TMEM116: variants seen among roughly 807,000 people sequenced by gnomAD.
The protein encoded by TMEM116 is transmembrane protein 116.
In TMEM116, 38 loss-of-function variants were observed where a neutral mutation model predicts 44.3. The ratio of observed to expected loss-of-function variants is 0.86; its 90% confidence interval spans 0.66 to 1.12. The LOEUF (loss-of-function observed/expected upper bound fraction) is 1.12, where lower values mean the gene tolerates loss of function less well. TMEM116 is among the 50% of genes most tolerant of loss of function. The probability of loss-of-function intolerance (pLI) is 0.00; values close to 1 mark genes in which losing one functional copy is unlikely to be tolerated. For synonymous variants in TMEM116, 132 were observed against 144.8 expected (o/e 0.91, Z 0.64); for missense variants, 354 against 401.7 (o/e 0.88, Z 1.01).
chr12:112,009,176 T>C (rs1462763118), intron 1 of TMEM116, among the ~76,000 whole-genome samples: 1 of 152,014 alleles, frequency 6.6e-6, no homozygotes, highest in Admixed American at 6.6e-5. Context: ...CAATATAAAG[T>C]ATAAAACAAA....
chr12:111,982,544 G>A (rs945326081), intron 4 of TMEM116, among the ~76,000 whole-genome samples: 4 of 152,040 alleles, frequency 2.6e-5, no homozygotes, highest in African/African-American at 7.3e-5. Flanking sequence ...CAGGCAATCT[G>A]CCCTCGTTGG....
rs1460078213 is a variant in TMEM116 at position 111,937,184 on chromosome 12, A to C, written c.425T>G (p.Phe142Cys). ...CTTGTGGCTCTGACTGAAGTTTTGG[A>C]AACATTCACTAGTATTTCCCAGACA... ...VFCLGNTSEC[F>C]QNFSQSHKCI... The change falls in exon 7 of 11, where the codon TTC becomes TGC. Residue 142 changes from phenylalanine to cysteine, a missense_variant. Transcript: ENST00000552374. 2 of 1,613,874 alleles carry C rather than the reference A, an allele frequency of 1.2e-6. No homozygotes were observed. Among genetic ancestry groups the C allele is most frequent in the Non-Finnish European group, 1.7e-6 (2 of 1,179,846 alleles).
intron 3 of TMEM116, among the ~76,000 whole-genome samples, chr12:112,000,147 G>T (rs928903039): frequency 6.6e-6 from 1 of 152,082 alleles, no homozygotes; most frequent in African/African-American, 2.4e-5. Context: ...ATATATCAGA[G>T]AGTATTACTC....
chr12:112,007,287 G>A (rs901738263), intron 1 of TMEM116, among the ~76,000 whole-genome samples: 5 of 152,114 alleles, frequency 3.3e-5, no homozygotes, highest in Admixed American at 6.6e-5. Context: ...GGTGGCATGC[G>A]CCTGTAATCC....
At chr12:112,010,547 G>A (rs1014269636) in intron 1 of TMEM116, 3 of 152,228 alleles carry the variant, frequency 2.0e-5, no homozygotes, top group Non-Finnish European at 2.9e-5. Flanking sequence ...GGAGGCCCTG[G>A]AGAGGATGGC....
At chr12:111,992,572 T>C (rs1470419952) in intron 3 of TMEM116, among the ~76,000 whole-genome samples, 1 of 152,168 alleles carries the variant, frequency 6.6e-6, no homozygotes, top group Non-Finnish European at 1.5e-5. Flanking sequence ...CTTCTAAATA[T>C]AAGAAATGAG....
intron 3 of TMEM116, among the ~76,000 whole-genome samples, chr12:112,003,229 C>G (rs2077369982): frequency 6.6e-6 from 1 of 152,182 alleles, no homozygotes; most frequent in African/African-American, 2.4e-5. Flanking sequence ...CATTCTGTTT[C>G]CTTAGCCTTA....
rs1167229853 is a variant in TMEM116 at position 112,010,181 on chromosome 12, T to C, written c.-34+2821A>G. ...ATCTGCTCCTTTTCCACTTGTTCTC[T>C]ATCTAAAATGTTCCTCCTTCCAAGG... On this transcript the variant is annotated intron_variant, in intron 1 of 10. Coordinates refer to ENST00000552374, the MANE Select transcript of TMEM116 (RefSeq NM_001193531.2). Among the ~76,000 whole-genome samples the C allele has an allele frequency of 3.0e-4, 46 of 152,082 alleles. 2 individuals are homozygous for C. Among genetic ancestry groups the C allele is most frequent in the Non-Finnish European group, 1.5e-5 (1 of 67,972 alleles).
chr12:111,943,237 TTAAC>T, intron 5 of TMEM116, 24 bp downstream of exon 5: 1 of 1,558,868 alleles, frequency 6.4e-7, no homozygotes. Context: ...CATACTATTA[TTAAC>T]TATCAGCCCT....
chr12:111,940,474 T>TACACACAC (rs199977734), intron 5 of TMEM116, among the ~76,000 whole-genome samples: 5 of 106,984 alleles, frequency 4.7e-5, no homozygotes, highest in South Asian at 3.7e-4. Context: ...CATATATATA[T>TACACACAC]ATACATACAC....
chr12:111,931,587 A>T lies in TMEM116; in HGVS notation c.*34T>A. The T allele has an allele frequency of 6.3e-7, 1 of 1,589,270 alleles. No individual in the cohort carries two copies. The highest frequency in any genetic ancestry group is 8.6e-7 in the Non-Finnish European group (1 of 1,157,624). On this transcript the variant is annotated 3_prime_UTR_variant, in exon 11 of 11. Transcript: ENST00000552374. ...TCTTTCCAATCCATTAGCGTAGAAT[A>T]ACTCCAGTTCCTGGATGTTCCAGTA...
intron 4 of TMEM116, among the ~76,000 whole-genome samples, chr12:111,948,093 T>TTGA (rs1410791035): frequency 1.3e-5 from 2 of 152,242 alleles, no homozygotes; most frequent in African/African-American, 4.8e-5. Context: ...ATCACTCATC[T>TTGA]GGTTTGGGAG....
intron 4 of TMEM116, among the ~76,000 whole-genome samples, chr12:111,973,277 C>A (rs1296839822): frequency 6.6e-6 from 1 of 152,182 alleles, no homozygotes; most frequent in Non-Finnish European, 1.5e-5. Context: ...TTATACACTT[C>A]TAAATAACTA....
At chr12:111,958,877 G>A (rs569443821) in intron 4 of TMEM116, among the ~76,000 whole-genome samples, 119 of 152,304 alleles carry the variant, frequency 7.8e-4, no homozygotes, top group African/African-American at 2.8e-3. Flanking sequence ...TTTGATTGGT[G>A]TACCTGAAAG....
chr12:111,977,764 G>A (rs1228582007), intron 4 of TMEM116, among the ~76,000 whole-genome samples: 1 of 151,936 alleles, frequency 6.6e-6, no homozygotes, highest in Non-Finnish European at 1.5e-5. Flanking sequence ...ATAAGAGACA[G>A]GAAAGAACAA....
At chr12:111,947,231 T>G (rs1338634978) in intron 4 of TMEM116, among the ~76,000 whole-genome samples, 2 of 151,872 alleles carry the variant, frequency 1.3e-5, no homozygotes, top group Non-Finnish European at 2.9e-5. Context: ...AAATAAATGA[T>G]TATTATTTCA....
At chr12:111,974,227 C>T (rs2075526826) in intron 4 of TMEM116, among the ~76,000 whole-genome samples, 1 of 151,764 alleles carries the variant, frequency 6.6e-6, no homozygotes, top group African/African-American at 2.4e-5. Context: ...GCTAGCATTA[C>T]ACTTAAGGTG....
At chr12:111,952,313 G>A (rs1045041841) in intron 4 of TMEM116, among the ~76,000 whole-genome samples, 3 of 152,094 alleles carry the variant, frequency 2.0e-5, no homozygotes, top group Non-Finnish European at 4.4e-5. Flanking sequence ...GTCATAAAAT[G>A]CTAAGTAATA....
At chr12:111,999,153 T>C (rs1458113639) in intron 3 of TMEM116, among the ~76,000 whole-genome samples, 2 of 151,740 alleles carry the variant, frequency 1.3e-5, no homozygotes, top group Non-Finnish European at 2.9e-5. Flanking sequence ...CAAAAAAGCA[T>C]AAGATATGAT....
Sources: allele counts gnomAD v4.1 joint callset (sites outside exome capture counted in the v4.1 genomes callset), GRCh38; gene constraint gnomAD v4.1.1; transcripts MANE v1.5; gene names NCBI Gene and HGNC (gene_info 2026-07-23, HGNC 2026-07-21).